The following NMNAT1 variants were observed in gnomAD, a reference collection of about 807,000 sequenced individuals.
NMNAT1 encodes the protein nicotinamide/nicotinic acid mononucleotide adenylyltransferase 1.
In NMNAT1, 11 loss-of-function variants were observed where a neutral mutation model predicts 16.7. The observed-to-expected ratio is 0.66, with a 90% confidence interval of 0.41 to 1.09. The LOEUF is 1.09. NMNAT1 is among the 50% of genes least tolerant of loss of function. The probability of loss-of-function intolerance (pLI) is 0.00; values close to 1 mark genes in which losing one functional copy is unlikely to be tolerated. For missense variants in NMNAT1, 280 were observed against 332.3 expected, an observed-to-expected ratio of 0.84 and a Z score of 1.22; for synonymous variants, 110 against 119.8, an observed-to-expected ratio of 0.92 and a Z score of 0.53.
chr1:9,989,036 A>G (rs145538125), downstream of NMNAT1, among the ~76,000 whole-genome samples: 498 of 152,242 alleles, frequency 3.3e-3, 1 homozygote, highest in African/African-American at 0.011. Context: ...TGGGTCCCCA[A>G]TGAGGGCTCC....
chr1:9,968,925 G>T (rs1320697131), intron 1 of NMNAT1, among the ~76,000 whole-genome samples: 1 of 147,276 alleles, frequency 6.8e-6, no homozygotes, highest in Non-Finnish European at 1.5e-5. Flanking sequence ...GGGTGACAGA[G>T]CGAGACTCTG....
At chr1:9,971,880 GC>G in intron 1 of NMNAT1, 137 bp from the exon 2 acceptor site, 1 of 518,598 alleles carries the variant, frequency 1.9e-6, no homozygotes, top group Non-Finnish European at 3.5e-6. Context: ...TGAGGTGGGA[GC>G]ATCACTTGAG....
intron 3 of NMNAT1, 48 bp from the exon 4 acceptor site, chr1:9,980,983 T>A (rs774921417): frequency 8.9e-6 from 14 of 1,574,118 alleles, no homozygotes; most frequent in Non-Finnish European, 1.2e-5. Context: ...TATATTCTAA[T>A]GGAGCATGTG....
At position 9,981,265 on chromosome 1, in the gene NMNAT1, C is replaced by T. The variant is rs759188495; in HGVS notation, c.439+95C>T. ...ATTTTTTTTTTTTTAGATGGAGTCT[C>T]GCTCTATCACCCAGGCTGGAGTGCA... On this transcript the variant is annotated intron_variant, in intron 4 of 4. Coordinates refer to ENST00000377205, the MANE Select transcript of NMNAT1 (RefSeq NM_022787.4). 31 of 1,513,740 alleles carry T rather than the reference C, an allele frequency of 2.0e-5. 1 individual carries two copies. In the South Asian group the frequency reaches 3.5e-4, roughly 17 times the overall value. 93.8% of individuals were successfully genotyped at this position (1,513,740 alleles called of 1,614,324 possible).
In NMNAT1 at chr1:9,960,314, C is replaced by A. The variant is rs559509143; in HGVS notation, c.-56-11704C>A. On this transcript the variant is annotated intron_variant, in intron 1 of 4. Coordinates refer to ENST00000377205, the MANE Select transcript of NMNAT1 (RefSeq NM_022787.4). Reference sequence around the variant, plus strand: ...AAAAACAAAAACAAAAACAAAAAAACCCTGGCTTAATGTTATGTTAATATT... The same window carrying A: ...AAAAACAAAAACAAAAACAAAAAAAACCTGGCTTAATGTTATGTTAATATT... 6.6e-5 allele frequency among the ~76,000 whole-genome samples: 10 copies of A among 151,802 alleles called. No homozygotes were observed. The South Asian group carries it at 1.9e-3, about 29-fold the overall frequency.
intron 3 of NMNAT1, among the ~76,000 whole-genome samples, chr1:9,979,842 G>GACTCTGCTA (rs1641902198): frequency 6.6e-6 from 1 of 151,504 alleles, no homozygotes. Flanking sequence ...CCTCCTCATA[G>GACTCTGCTA]ACTCTGCTAG....
the NMNAT1 span, among the ~76,000 whole-genome samples, chr1:9,996,750 A>T: frequency 6.6e-6 from 1 of 152,154 alleles, no homozygotes; most frequent in Non-Finnish European, 1.5e-5. Flanking sequence ...CAGGAATAAA[A>T]GGCCACCAGA....
intron 1 of NMNAT1, among the ~76,000 whole-genome samples, chr1:9,956,368 A>G (rs1340949174): frequency 6.7e-6 from 1 of 148,438 alleles, no homozygotes; most frequent in Non-Finnish European, 1.5e-5. Context: ...ATGGGGTTTC[A>G]TCATGTTGGC....
chr1:9,946,810 G>A (rs1640991499), intron 1 of NMNAT1, among the ~76,000 whole-genome samples: 1 of 152,118 alleles, frequency 6.6e-6, no homozygotes, highest in Non-Finnish European at 1.5e-5. Flanking sequence ...ACATACTGAA[G>A]AAAGATTATG....
intron 1 of NMNAT1, among the ~76,000 whole-genome samples, chr1:9,965,072 A>G (rs764886938): frequency 1.3e-5 from 2 of 151,942 alleles, no homozygotes. Context: ...TAATTCCAGC[A>G]CTTTGGGAGG....
At chr1:9,961,478 G>C (rs1641404865) in intron 1 of NMNAT1, among the ~76,000 whole-genome samples, 2 of 152,014 alleles carry the variant, frequency 1.3e-5, no homozygotes, top group Admixed American at 1.3e-4. Context: ...TAGGCCTCAG[G>C]GTACTATGGG....
chr1:9,989,420 T>C (rs1642083531), downstream of NMNAT1, among the ~76,000 whole-genome samples: 2 of 151,564 alleles, frequency 1.3e-5, no homozygotes, highest in South Asian at 4.2e-4. Context: ...ATCGCGCCAC[T>C]ACACTCCAGC....
Position 9,975,781 on chromosome 1 carries a change from T to G in NMNAT1, c.299+6T>G. The G allele has an allele frequency of 6.2e-7, 1 of 1,604,622 alleles. No individual in the cohort carries two copies. Among genetic ancestry groups the G allele is most frequent in the Non-Finnish European group, 8.5e-7 (1 of 1,175,040 alleles). On this transcript the variant is annotated splice_donor_region_variant and intron_variant, in intron 3 of 4. Transcript: ENST00000377205. ...GAGACTCTGAAGGTGCTAAGGTATT[T>G]ATGGTGTAATCAACTTTGTCAGTTC...
the NMNAT1 span, among the ~76,000 whole-genome samples, chr1:9,994,223 G>T: frequency 7.0e-6 from 1 of 143,342 alleles, no homozygotes; most frequent in Non-Finnish European, 1.5e-5. Flanking sequence ...TGATTCTCCT[G>T]CCTCAGCCTC....
chr1:9,966,458 C>T (rs1641546059), intron 1 of NMNAT1, among the ~76,000 whole-genome samples: 1 of 151,846 alleles, frequency 6.6e-6, no homozygotes, highest in Non-Finnish European at 1.5e-5. Context: ...ACTAAAAATA[C>T]AAAAATTAGC....
chr1:9,959,250 T>C (rs1177966710), intron 1 of NMNAT1, among the ~76,000 whole-genome samples: 1 of 151,468 alleles, frequency 6.6e-6, no homozygotes, highest in Non-Finnish European at 1.5e-5. Context: ...CGGGCGCCTG[T>C]AATCCCAGCT....
chr1:9,952,483 G>C (rs1641139031), intron 1 of NMNAT1: 1 of 152,144 alleles, frequency 6.6e-6, no homozygotes, highest in African/African-American at 2.4e-5. Context: ...AAAAGACAGA[G>C]GAACAGCATC....
intron 2 of NMNAT1, among the ~76,000 whole-genome samples, chr1:9,973,912 A>G (rs1641746933): frequency 6.6e-6 from 1 of 151,298 alleles, no homozygotes; most frequent in South Asian, 2.1e-4. Flanking sequence ...GTCTTGGCTC[A>G]CTGCAACCTC....
At chr1:9,968,089 T>TTTTTTTTTTTTTG (rs1570699258) in intron 1 of NMNAT1, among the ~76,000 whole-genome samples, 2 of 146,764 alleles carry the variant, frequency 1.4e-5, no homozygotes, top group Non-Finnish European at 3.0e-5. Context: ...TGTTTTTTTT[T>TTTTTTTTTTTTTG]GAGATGGAGT....
Sources: gnomAD v4.1 joint callset for allele counts (sites outside exome capture counted in the v4.1 genomes callset) on GRCh38, gnomAD v4.1.1 for gene constraint, MANE v1.5 for transcripts, NCBI Gene and HGNC (gene_info 2026-07-23, HGNC 2026-07-21) for gene names.